ST6GALNAC3: variants seen among roughly 807,000 people sequenced by gnomAD.
The protein encoded by ST6GALNAC3 is ST6 N-acetylgalactosaminide alpha-2,6-sialyltransferase 3.
ST6GALNAC3 carries 25 observed loss-of-function variants against 32.7 expected under a neutral mutation model. That is an observed-to-expected ratio of 0.76 (90% CI 0.56 to 1.07). The LOEUF is 1.07. ST6GALNAC3 is among the 50% of genes least tolerant of loss of function. The pLI is 0.00. For missense variants in ST6GALNAC3, 355 were observed against 382.4 expected (o/e 0.93, Z 0.60); for synonymous variants, 129 against 133.1 (o/e 0.97, Z 0.21).
chr1:76,490,301 G>A (rs546402474), intron 3 of ST6GALNAC3, among the ~76,000 whole-genome samples: 1 of 152,024 alleles, frequency 6.6e-6, no homozygotes, highest in East Asian at 1.9e-4. Flanking sequence ...AATTCTCAAA[G>A]CAGATAGTAA....
At chr1:76,455,314 T>C (rs996417691) in intron 3 of ST6GALNAC3, among the ~76,000 whole-genome samples, 2 of 152,200 alleles carry the variant, frequency 1.3e-5, no homozygotes, top group African/African-American at 4.8e-5. Context: ...CCTCAATTTA[T>C]GATCATCTTC....
chr1:76,369,277 A>C (rs1366429035), intron 2 of ST6GALNAC3, among the ~76,000 whole-genome samples: 1 of 152,116 alleles, frequency 6.6e-6, no homozygotes, highest in Non-Finnish European at 1.5e-5. Context: ...TAATTTTTCA[A>C]CATGCTCAGG....
At chr1:76,256,809 G>T (rs539731217) in intron 1 of ST6GALNAC3, among the ~76,000 whole-genome samples, 6 of 151,930 alleles carry the variant, frequency 3.9e-5, no homozygotes, top group Non-Finnish European at 8.8e-5. Flanking sequence ...AGGATGAATG[G>T]AATAGTGATT....
At chr1:76,636,143 T>C (rs761539631), downstream of ST6GALNAC3, among the ~76,000 whole-genome samples, 4 of 152,148 alleles carry the variant, frequency 2.6e-5, no homozygotes, top group Non-Finnish European at 5.9e-5. Context: ...TAAGGAACAA[T>C]ATATTGCTCT....
At chr1:76,528,338 G>C (rs577587967) in intron 3 of ST6GALNAC3, among the ~76,000 whole-genome samples, 46 of 152,282 alleles carry the variant, frequency 3.0e-4, no homozygotes, top group African/African-American at 1.1e-3. Context: ...GAGAGATTGA[G>C]ACGCTTGCCT....
At chr1:76,313,045 AT>A (rs1039197017) in intron 1 of ST6GALNAC3, among the ~76,000 whole-genome samples, 2 of 151,490 alleles carry the variant, frequency 1.3e-5, no homozygotes, top group Non-Finnish European at 2.9e-5. Flanking sequence ...GCTTGGCATA[AT>A]TTTTTTTTCC....
At chr1:76,139,200 A>G (rs1425047388) in intron 1 of ST6GALNAC3, among the ~76,000 whole-genome samples, 2 of 145,060 alleles carry the variant, frequency 1.4e-5, no homozygotes, top group Admixed American at 1.4e-4. Context: ...TCTCAATGGA[A>G]AAAAAAAAAA....
intron 3 of ST6GALNAC3, among the ~76,000 whole-genome samples, chr1:76,504,123 G>C (rs1404255530): frequency 6.6e-6 from 1 of 152,116 alleles, no homozygotes; most frequent in Non-Finnish European, 1.5e-5. Context: ...AGAAATCAAG[G>C]TGTCAGCAAT....
At chr1:76,416,407 CAG>C (rs1654626861) in intron 3 of ST6GALNAC3, among the ~76,000 whole-genome samples, 1 of 151,964 alleles carries the variant, frequency 6.6e-6, no homozygotes, top group Non-Finnish European at 1.5e-5. Context: ...AAGTTTTTAA[CAG>C]AGAGACAATG....
chr1:76,444,683 C>T (rs1656847328), intron 3 of ST6GALNAC3, among the ~76,000 whole-genome samples: 1 of 152,172 alleles, frequency 6.6e-6, no homozygotes, highest in African/African-American at 2.4e-5. Context: ...CCCTTCTCCA[C>T]TTTCCATAGT....
chr1:76,341,345 A>G (rs989536831), intron 2 of ST6GALNAC3, among the ~76,000 whole-genome samples: 3 of 152,030 alleles, frequency 2.0e-5, no homozygotes, highest in African/African-American at 7.2e-5. Context: ...ACTTAGGATA[A>G]TGGCCTCTAG....
chr1:76,217,805 G>A (rs1655553259), intron 1 of ST6GALNAC3, among the ~76,000 whole-genome samples: 1 of 152,176 alleles, frequency 6.6e-6, no homozygotes, highest in African/African-American at 2.4e-5. Context: ...ACTTAGAATA[G>A]TAGTCTCCAG....
chr1:76,599,950 C>A (rs1419315711), intron 3 of ST6GALNAC3, among the ~76,000 whole-genome samples: 8 of 151,998 alleles, frequency 5.3e-5, no homozygotes, highest in Admixed American at 2.0e-4. Flanking sequence ...AAATAGGTAG[C>A]CCTTAAAATC....
At position 76,292,692 on chromosome 1, in the gene ST6GALNAC3, CTT is replaced by C. The variant is rs144112679; in HGVS notation, c.19-21112_19-21111del. 7.2e-3 allele frequency among the ~76,000 whole-genome samples: 1,089 copies of C among 152,222 alleles called. 2 individuals are homozygous for C. The highest frequency in any genetic ancestry group is 0.011 in the Non-Finnish European group (747 of 68,010). ...GTCATCAGTAAGCCTTGCTTGATGACTTATTCCATTTGGGGTGTTCACTTCCT... is the reference window on the plus strand; with the variant it reads ...GTCATCAGTAAGCCTTGCTTGATGACATTCCATTTGGGGTGTTCACTTCCT... On this transcript the variant is annotated intron_variant, in intron 1 of 4. Transcript: ENST00000328299.
chr1:76,497,268 C>A (rs910227448), intron 3 of ST6GALNAC3, among the ~76,000 whole-genome samples: 1 of 152,052 alleles, frequency 6.6e-6, no homozygotes, highest in Non-Finnish European at 1.5e-5. Flanking sequence ...CTTTGGGGGG[C>A]CACAGGAGAA....
At chr1:76,459,337 G>A (rs1173852528) in intron 3 of ST6GALNAC3, among the ~76,000 whole-genome samples, 1 of 152,186 alleles carries the variant, frequency 6.6e-6, no homozygotes, top group Non-Finnish European at 1.5e-5. Context: ...GGCCAAGGCA[G>A]GCGGATCATG....
chr1:76,425,782 T>C (rs935221545), intron 3 of ST6GALNAC3, among the ~76,000 whole-genome samples: 1 of 151,914 alleles, frequency 6.6e-6, no homozygotes, highest in Admixed American at 6.6e-5. Context: ...AACTAAGATA[T>C]GTTCTTGAGG....
chr1:76,313,785 GT>G lies in ST6GALNAC3; in HGVS notation c.19-13del, dbSNP rs538835040. 6.2e-7 allele frequency: 1 copy of G among 1,609,416 alleles called. No homozygotes were observed. The highest frequency in any genetic ancestry group is 8.5e-7 in the Non-Finnish European group (1 of 1,177,990). Reference sequence around the variant, plus strand: ...TTGAAAGTCATTCGTTCTTCTTTTTGTTTTTTTAATGTTTTGTAGAGAAAGT... The same window carrying G: ...TTGAAAGTCATTCGTTCTTCTTTTTGTTTTTTAATGTTTTGTAGAGAAAGT... On this transcript the variant is annotated intron_variant, in intron 1 of 4. Transcript: ENST00000328299.
chr1:76,538,898 C>T (rs1006900599), intron 3 of ST6GALNAC3, among the ~76,000 whole-genome samples: 10 of 152,116 alleles, frequency 6.6e-5, no homozygotes, highest in Non-Finnish European at 1.3e-4. Flanking sequence ...ACATTCCCTC[C>T]TCATGGGTAG....
Sources: allele counts gnomAD v4.1 joint callset (sites outside exome capture counted in the v4.1 genomes callset), GRCh38; gene constraint gnomAD v4.1.1; transcripts MANE v1.5; gene names NCBI Gene and HGNC (gene_info 2026-07-23, HGNC 2026-07-21).